Variants in CLCN2 observed in about 807,000 individuals in gnomAD.
CLCN2 encodes the protein chloride voltage-gated channel 2.
Under a neutral mutation model 108.3 loss-of-function variants are expected in CLCN2, and 72 were observed. The ratio of observed to expected loss-of-function variants is 0.66; its 90% confidence interval spans 0.55 to 0.81. The LOEUF is 0.81. Among genes scored for constraint, CLCN2 ranks in the 30% least tolerant of loss-of-function variants. The pLI is 0.00. For synonymous variants in CLCN2, 471 were observed against 467.1 expected (o/e 1.01, Z -0.11); for missense variants, 1,048 against 1,205.2 (o/e 0.87, Z 1.93).
Position 184,353,141 on chromosome 3 carries a change from T to C in CLCN2, c.2035A>G (p.Thr679Ala). ...GCTGCTGGGAAGGCTGAGTCTTCTG[T>C]GTTCACCTGCATAGGCAGGAAGGGG... ...PEASVCFQVN[T>A]EDSAFPAARG... Residue 679 changes from threonine to alanine, a missense_variant, in exon 18 of 24, where the codon ACA becomes GCA. Coordinates refer to ENST00000265593, the MANE Select transcript of CLCN2 (RefSeq NM_004366.6). The C allele has an allele frequency of 6.2e-7, 1 of 1,614,134 alleles. No homozygotes were observed. The highest frequency in any genetic ancestry group is 8.5e-7 in the Non-Finnish European group (1 of 1,179,996).
chr3:184,353,469 C>T (rs1475096133), intron 16 of CLCN2, 47 bp from the exon 17 acceptor site: 3 of 1,564,434 alleles, frequency 1.9e-6, no homozygotes, highest in Non-Finnish European at 2.6e-6. Context: ...GGGAGCCCTC[C>T]AGCCCCGTCC....
Position 184,361,329 on chromosome 3 carries a change from G to A in CLCN2, c.63+88C>T, listed in dbSNP as rs1176591105. ...GCTCAAAATGCTAGGACAGGATTAG[G>A]GTAGGCCCCTGGTCCTCGCGCTTCC... On this transcript the variant is annotated intron_variant, in intron 1 of 23. Coordinates refer to ENST00000265593, the MANE Select transcript of CLCN2 (RefSeq NM_004366.6). This position sits in a 1 kb window ranked among gnomAD's most constrained non-coding sequence, Gnocchi z 6.6. 7.5e-7 allele frequency: 1 copy of A among 1,340,788 alleles called. No individual in the cohort carries two copies. The highest frequency in any genetic ancestry group is 2.3e-5 in the East Asian group (1 of 43,638). 83.1% of individuals were successfully genotyped at this position (1,340,788 alleles called of 1,614,324 possible).
Position 184,357,603 on chromosome 3 carries a change from C to G in CLCN2, c.772+17G>C. 6.2e-7 allele frequency: 1 copy of G among 1,613,984 alleles called. No homozygotes were observed. Among genetic ancestry groups the G allele is most frequent in the Non-Finnish European group, 8.5e-7 (1 of 1,180,014 alleles). ...GGCAGGGTTGTGGGGCTGGACTGACCTAGGAGCCCTGCCTACCTCCAATAG... is the reference window on the plus strand; with the variant it reads ...GGCAGGGTTGTGGGGCTGGACTGACGTAGGAGCCCTGCCTACCTCCAATAG... On this transcript the variant is annotated intron_variant, in intron 7 of 23. Transcript: ENST00000265593.
chr3:184,358,620 G>A (rs1052195364), intron 3 of CLCN2, 62 bp downstream of exon 3: 16 of 1,542,628 alleles, frequency 1.0e-5, no homozygotes, highest in African/African-American at 2.7e-5. Context: ...ATGTCTAGAC[G>A]AGTGTGGCAT....
intron 1 of CLCN2, among the ~76,000 whole-genome samples, chr3:184,359,776 G>A (rs1711728010): frequency 6.6e-6 from 1 of 152,236 alleles, no homozygotes; most frequent in Non-Finnish European, 1.5e-5. Flanking sequence ...CCATTCTGGA[G>A]CTGCACTGAG....
At position 184,355,377 on chromosome 3, in the gene CLCN2, C is replaced by A; in HGVS notation, c.1323G>T (p.Met441Ile). Residue 441 changes from methionine to isoleucine, a missense_variant, in exon 12 of 24, where the codon ATG becomes ATT. By Grantham distance (10) the Met-to-Ile change is conservative. Coordinates refer to ENST00000265593, the MANE Select transcript of CLCN2 (RefSeq NM_004366.6). The surrounding 1 kb of genome is among the most constrained non-coding windows in gnomAD (Gnocchi z 6.3). ...AGTGTACACGTGAGGAGCCCACCTT[C>A]ATGAGAATGAAGATGACCAGGGTGA... Reference protein sequence around the residue: ...VFLTLVIFILMKFWMSALATT... With the variant: ...VFLTLVIFILIKFWMSALATT... The A allele has an allele frequency of 7.4e-6, 12 of 1,613,864 alleles. No homozygotes were observed. Among genetic ancestry groups the A allele is most frequent in the Non-Finnish European group, 1.0e-5 (12 of 1,180,026 alleles).
chr3:184,357,358 C>T lies in CLCN2; in HGVS notation c.898+4G>A, dbSNP rs1303622311. ...GGCTGCCCTCATCCCCTGGGTGCCCCCACCTTCATCCCGGTTCCAGACTGC... is the reference window on the plus strand; with the variant it reads ...GGCTGCCCTCATCCCCTGGGTGCCCTCACCTTCATCCCGGTTCCAGACTGC... On this transcript the variant is annotated splice_donor_region_variant and intron_variant, in intron 8 of 23. Coordinates refer to ENST00000265593, the MANE Select transcript of CLCN2 (RefSeq NM_004366.6). The T allele has an allele frequency of 6.2e-7, 1 of 1,614,066 alleles. No homozygotes were observed. The highest frequency in any genetic ancestry group is 1.7e-5 in the Admixed American group (1 of 60,034).
At chr3:184,350,466 G>A (rs184611027) in intron 22 of CLCN2, among the ~76,000 whole-genome samples, 2 of 151,684 alleles carry the variant, frequency 1.3e-5, no homozygotes, top group East Asian at 3.9e-4. Flanking sequence ...ATGGAGTTTC[G>A]CTTTTGTCAC....
At position 184,357,773 on chromosome 3, in the gene CLCN2, C is replaced by T. The variant is rs1182034124; in HGVS notation, c.693+6G>A. On this transcript the variant is annotated splice_donor_region_variant and intron_variant, in intron 6 of 23. Transcript: ENST00000265593. ...TGCCCCCTACTTGCCCCAGGGTTCC[C>T]CTTACCTCATAGATACCCCCAAAGA... 1 of 1,614,014 alleles carries T rather than the reference C, an allele frequency of 6.2e-7. No individual in the cohort carries two copies. The highest frequency in any genetic ancestry group is 8.5e-7 in the Non-Finnish European group (1 of 1,180,024).
chr3:184,361,299 C>T lies in CLCN2; in HGVS notation c.63+118G>A. ...GCCTCAGACTTCCAAGCCTCAGTTT[C>T]CCCAGCTCAAAATGCTAGGACAGGA... On this transcript the variant is annotated intron_variant, in intron 1 of 23. Coordinates refer to ENST00000265593, the MANE Select transcript of CLCN2 (RefSeq NM_004366.6). The surrounding 1 kb of genome is among the most constrained non-coding windows in gnomAD (Gnocchi z 6.6). The T allele has an allele frequency of 2.7e-6, 3 of 1,103,064 alleles. No homozygotes were observed. In the South Asian group the frequency reaches 3.7e-5, roughly 14 times the overall value. The allele number at this position is 1,103,064 out of a possible 1,614,324, so 68.3% of individuals were successfully genotyped here.
chr3:184,353,616 G>T, intron 16 of CLCN2, 46 bp downstream of exon 16: 1 of 1,608,926 alleles, frequency 6.2e-7, no homozygotes, highest in South Asian at 1.1e-5. Context: ...CCGAAGCTTC[G>T]ACCCTGGGCA....
At chr3:184,353,898 G>GGGAC (rs754890711) in intron 15 of CLCN2, 103 bp from the exon 16 acceptor site, 1 of 1,533,780 alleles carries the variant, frequency 6.5e-7, no homozygotes, top group Non-Finnish European at 8.8e-7. Context: ...CCCATCCATG[G>GGGAC]GGACGGGAGC....
Position 184,361,467 on chromosome 3 carries a change from C to T in CLCN2, c.13G>A (p.Ala5Thr). 1.2e-6 allele frequency: 2 copies of T among 1,612,578 alleles called. No individual in the cohort carries two copies. Among genetic ancestry groups the T allele is most frequent in the East Asian group, 2.2e-5 (1 of 44,876 alleles). Reference sequence around the variant, plus strand: ...CGTGGCTCCATCCCTTCCTCCGCCGCCGCGGCCGCCATCTCCGCGCACTGC... The same window carrying T: ...CGTGGCTCCATCCCTTCCTCCGCCGTCGCGGCCGCCATCTCCGCGCACTGC... MAAA[A>T]AEEGMEPRAL... The change falls in exon 1 of 24, where the codon GCG becomes ACG. Residue 5 changes from alanine (A) to threonine (T), a missense_variant. Physicochemically the swap from Ala to Thr is moderately conservative, Grantham distance 58 (BLOSUM62 0). Coordinates refer to ENST00000265593, the MANE Select transcript of CLCN2 (RefSeq NM_004366.6). This position sits in a 1 kb window ranked among gnomAD's most constrained non-coding sequence, Gnocchi z 6.6.
Position 184,355,546 on chromosome 3 carries a change from G to A in CLCN2, c.1171-17C>T, listed in dbSNP as rs778819602. ...CTGTGAGAGCTAGAGTGAACAGGGTGCCTCAGGCTGGGAAACCGACAGGAT... is the reference window on the plus strand; with the variant it reads ...CTGTGAGAGCTAGAGTGAACAGGGTACCTCAGGCTGGGAAACCGACAGGAT... On this transcript the variant is annotated splice_polypyrimidine_tract_variant and intron_variant, in intron 11 of 23. Coordinates refer to ENST00000265593, the MANE Select transcript of CLCN2 (RefSeq NM_004366.6). This position sits in a 1 kb window ranked among gnomAD's most constrained non-coding sequence, Gnocchi z 6.3. 4 of 1,614,062 alleles carry A rather than the reference G, an allele frequency of 2.5e-6. No individual in the cohort carries two copies. The highest frequency in any genetic ancestry group is 2.2e-5 in the East Asian group (1 of 44,874).
chr3:184,347,087 A>G (rs1727733320), intron 22 of CLCN2, 66 bp from the exon 23 acceptor site: 1 of 1,365,946 alleles, frequency 7.3e-7, no homozygotes, highest in Non-Finnish European at 1.0e-6. Flanking sequence ...GACAGGCCAC[A>G]GGGGCCCAGG....
In CLCN2 at chr3:184,357,918, T is replaced by C; in HGVS notation, c.615+44A>G. The C allele has an allele frequency of 1.2e-6, 2 of 1,613,732 alleles. 1 individual carries two copies. Among genetic ancestry groups the C allele is most frequent in the South Asian group, 2.2e-5 (2 of 91,090 alleles). On this transcript the variant is annotated intron_variant, in intron 5 of 23. Coordinates refer to ENST00000265593, the MANE Select transcript of CLCN2 (RefSeq NM_004366.6). Reference sequence around the variant, plus strand: ...CCGCCCTGACCTTGGCCTGGCCTCCTCTTCCACCAGGAGGGACTCCTTCAT... The same window carrying C: ...CCGCCCTGACCTTGGCCTGGCCTCCCCTTCCACCAGGAGGGACTCCTTCAT...
At chr3:184,357,126 G>C (rs759206484) in intron 9 of CLCN2, 32 bp from the exon 10 acceptor site, 3 of 1,609,742 alleles carry the variant, frequency 1.9e-6, no homozygotes, top group Non-Finnish European at 2.5e-6. Flanking sequence ...GAGTGAAAAG[G>C]AGCCTTCTAG....
Position 184,354,674 on chromosome 3 carries a change from T to A in CLCN2, c.1397-16A>T. On this transcript the variant is annotated splice_polypyrimidine_tract_variant and intron_variant, in intron 13 of 23. Transcript: ENST00000265593. ...AATGCTGCTCCTTCAGGGAGGGGGG[T>A]GGGAAGAGAAAGAGGCAGTGGAGGG... The A allele has an allele frequency of 3.2e-5, 26 of 820,398 alleles. No individual in the cohort carries two copies. The highest frequency in any genetic ancestry group is 4.1e-5 in the Non-Finnish European group (24 of 588,838). 50.8% of individuals were successfully genotyped at this position (820,398 alleles called of 1,614,324 possible). A position where few individuals can be genotyped will look rare whatever the true frequency, so the allele number is the denominator to read the frequency against.
At position 184,352,805 on chromosome 3, in the gene CLCN2, C is replaced by T. The variant is rs748730913; in HGVS notation, c.2149G>A (p.Ala717Thr). ...RNLGESPTGS[A>T]ESAGIALRSL... is the part of the protein sequence containing the mutation. ...CGGAGGGCGATGCCTGCCGACTCTG[C>T]GCTCCCTGTGTTCCCAAACATAAGG... Residue 717 changes from alanine to threonine, a missense_variant, in exon 19 of 24, where the codon GCA (alanine) becomes ACA (threonine). Ala to Thr is a moderately conservative substitution (Grantham distance 58). Coordinates refer to ENST00000265593, the MANE Select transcript of CLCN2 (RefSeq NM_004366.6). 5.5e-5 allele frequency: 88 copies of T among 1,613,034 alleles called. No homozygotes were observed. Among genetic ancestry groups the T allele is most frequent in the African/African-American group, 2.7e-5 (2 of 74,940 alleles).
Sources: allele counts gnomAD v4.1 joint callset (sites outside exome capture counted in the v4.1 genomes callset), GRCh38; gene constraint gnomAD v4.1.1; non-coding constraint Gnocchi (gnomAD v3.1); transcripts MANE v1.5; gene names NCBI Gene and HGNC (gene_info 2026-07-23, HGNC 2026-07-21).